Variants in QARS1 observed in about 807,000 individuals in gnomAD.
QARS1 encodes the protein glutaminyl-tRNA synthetase 1.
Under a neutral mutation model 106.9 loss-of-function variants are expected in QARS1, and 79 were observed. The observed-to-expected ratio is 0.74, with a 90% CI of 0.62 to 0.89. The LOEUF (loss-of-function observed/expected upper bound fraction) is 0.89. QARS1 is among the 40% of genes least tolerant of loss of function. The pLI, the probability that QARS1 is intolerant of heterozygous loss-of-function variation, is 0.00. For synonymous variants in QARS1, 395 were observed against 367.7 expected (o/e 1.07, Z -0.85); for missense variants, 966 against 997.2 (o/e 0.97, Z 0.42).
chr3:49,099,019 GTCATAC>G (rs1172908072), intron 18 of QARS1, 30 bp from the exon 19 acceptor site: 1 of 1,612,474 alleles, frequency 6.2e-7, no homozygotes, highest in South Asian at 1.1e-5. Context: ...ACAGGTATGA[GTCATAC>G]TCAGCATTAG....
In QARS1 at chr3:49,099,963, T is replaced by C. The variant is rs1575400775; in HGVS notation, c.1293A>G (p.Lys431=). The C allele has an allele frequency of 6.2e-7, 1 of 1,614,160 alleles. No homozygotes were observed. The highest frequency in any genetic ancestry group is 8.5e-7 in the Non-Finnish European group (1 of 1,180,004). The change falls in exon 14 of 24, where the codon AAA becomes AAG. Residue 431 remains lysine (K), a splice_region_variant and synonymous_variant. Transcript: ENST00000306125. ...ACCCCACCCCATTCTACACCCACCA[T>C]TTGTCCCCTGTGCGGTGGTGTGGTG... The part of the protein sequence containing the change: ...KYTPHHRTGD[K]WCIYPTYDYT...
chr3:49,096,682 C>T (rs2042395434), intron 23 of QARS1, among the ~76,000 whole-genome samples: 1 of 151,552 alleles, frequency 6.6e-6, no homozygotes, highest in Non-Finnish European at 1.5e-5. Context: ...CGCCTGTAGT[C>T]CCAGCTATTT....
rs1371242375 is a variant in QARS1, at chr3:49,101,604, C to T, written c.789+16G>A. 6.2e-7 allele frequency: 1 copy of T among 1,612,906 alleles called. No individual in the cohort carries two copies. Among genetic ancestry groups the T allele is most frequent in the Non-Finnish European group, 8.5e-7 (1 of 1,179,624 alleles). On this transcript the variant is annotated intron_variant, in intron 9 of 23. Transcript: ENST00000306125. ...TGTTTGATGGCACAAGCTCACATGGCCACATCCCCACACACCTGCCCACCA... is the reference window on the plus strand; with the variant it reads ...TGTTTGATGGCACAAGCTCACATGGTCACATCCCCACACACCTGCCCACCA...
In QARS1 at chr3:49,104,476, G is replaced by C; in HGVS notation, c.118-5C>G. 1.2e-6 allele frequency: 2 copies of C among 1,613,868 alleles called. No individual in the cohort carries two copies. Among genetic ancestry groups the C allele is most frequent in the East Asian group, 4.5e-5 (2 of 44,888 alleles). On this transcript the variant is annotated splice_region_variant and splice_polypyrimidine_tract_variant and intron_variant, in intron 1 of 23. Transcript: ENST00000306125. ...GGAACCCAGGGTCTGCTGAGCCTGA[G>C]GTCAGAGGGGTCAAGAGAGAAGCCC...
intron 10 of QARS1, among the ~76,000 whole-genome samples, 170 bp downstream of exon 10, chr3:49,101,185 C>T (rs933428673): frequency 6.6e-5 from 10 of 152,220 alleles, no homozygotes; most frequent in African/African-American, 1.9e-4. Context: ...CTATTTATTC[C>T]AATAAGCTCA....
chr3:49,101,749 G>A, intron 8 of QARS1, 44 bp from the exon 9 acceptor site: 1 of 1,612,534 alleles, frequency 6.2e-7, no homozygotes, highest in Non-Finnish European at 8.5e-7. Flanking sequence ...TGCAGCCAAA[G>A]CCTCTGACCC....
Position 49,103,853 on chromosome 3 carries a change from A to G in QARS1, c.375+10T>C. 1 of 1,613,134 alleles carries G rather than the reference A, an allele frequency of 6.2e-7. No individual in the cohort carries two copies. Among genetic ancestry groups the G allele is most frequent in the Non-Finnish European group, 8.5e-7 (1 of 1,179,206 alleles). On this transcript the variant is annotated intron_variant, in intron 3 of 23. Transcript: ENST00000306125. The stretch of plus-strand genomic sequence containing the variant: ...CTGGGGAGGCAGACGATGCCTGGGG[A>G]AAGACTCACAGCCTCCTCAATCTGC...
At chr3:49,098,812 C>CA in intron 19 of QARS1, 73 bp downstream of exon 19, 1 of 1,504,384 alleles carries the variant, frequency 6.6e-7, no homozygotes. Context: ...GATGGACTGA[C>CA]AGAGATGAGG....
Position 49,102,430 on chromosome 3 carries a change from T to C in QARS1, c.559A>G (p.Lys187Glu). 3.1e-6 allele frequency: 5 copies of C among 1,614,082 alleles called. No individual in the cohort carries two copies. The highest frequency in any genetic ancestry group is 4.2e-6 in the Non-Finnish European group (5 of 1,180,002). Reference protein sequence around the residue: ...LGPKLEADLEKKFKVAKARLE... With the variant: ...LGPKLEADLEEKFKVAKARLE... The stretch of plus-strand genomic sequence containing the variant: ...ATGCCCATCCCTACCTTGAACTTCT[T>C]CTCCAGATCAGCCTCCAACTTGGGG... The change falls in exon 6 of 24, where the codon AAG becomes GAG. Residue 187 changes from lysine (K) to glutamate (E), a missense_variant. Coordinates refer to ENST00000306125, the MANE Select transcript of QARS1 (RefSeq NM_005051.3).
At chr3:49,102,609 C>T (rs1004948638) in intron 5 of QARS1, 137 bp from the exon 6 acceptor site, 4 of 860,944 alleles carry the variant, frequency 4.6e-6, no homozygotes, top group East Asian at 2.7e-5. Context: ...CCCATCCCAT[C>T]TCTTCTCATG....
chr3:49,098,545 C>A lies in QARS1; in HGVS notation c.1956+55G>T, dbSNP rs1034813926. ...ACCACAACCAGGACTGCAGGCTATA[C>A]TCACATCTTGGCCCCAGCAGGCACT... On this transcript the variant is annotated intron_variant, in intron 20 of 23. Transcript: ENST00000306125. 4.3e-6 allele frequency: 7 copies of A among 1,611,256 alleles called. No individual in the cohort carries two copies. In the African/African-American group the frequency reaches 6.7e-5, roughly 15 times the overall value.
At position 49,098,414 on chromosome 3, in the gene QARS1, T is replaced by C; in HGVS notation, c.2023A>G (p.Lys675Glu). The change falls in exon 21 of 24, where the codon AAG (lysine) becomes GAG (glutamate). Residue 675 changes from lysine to glutamate, a missense_variant. By Grantham distance (56) the Lys-to-Glu change is moderately conservative. Coordinates refer to ENST00000306125, the MANE Select transcript of QARS1 (RefSeq NM_005051.3). Reference sequence around the variant, plus strand: ...TGTGACACCCAGTGAATAAAGGCCTTTGGCTTCTCTCCAGCATCTGCCCGT... The same window carrying C: ...TGTGACACCCAGTGAATAAAGGCCTCTGGCTTCTCTCCAGCATCTGCCCGT... ...CRRADAGEKP[K>E]AFIHWVSQPL... 6.2e-7 allele frequency: 1 copy of C among 1,614,192 alleles called. No individual in the cohort carries two copies. The highest frequency in any genetic ancestry group is 8.5e-7 in the Non-Finnish European group (1 of 1,180,040).
At chr3:49,097,964 A>G (rs961676476) in intron 23 of QARS1, 28 bp downstream of exon 23, 8 of 1,613,778 alleles carry the variant, frequency 5.0e-6, no homozygotes, top group Non-Finnish European at 6.8e-6. Context: ...ACTGCTGCAG[A>G]TGAGGGCAGG....
At position 49,095,976 on chromosome 3, in the gene QARS1, G is replaced by A; in HGVS notation, c.*53C>T. ...TCTTTATTGACATGGAATTTGGGGT[G>A]GCGAGGGTAGCCACACCCTCCAGGA... is the stretch of plus-strand genomic sequence containing the variant. On this transcript the variant is annotated 3_prime_UTR_variant, in exon 24 of 24. Coordinates refer to ENST00000306125, the MANE Select transcript of QARS1 (RefSeq NM_005051.3). 1.3e-6 allele frequency: 2 copies of A among 1,532,602 alleles called. No homozygotes were observed. Among genetic ancestry groups the A allele is most frequent in the Non-Finnish European group, 1.8e-6 (2 of 1,110,690 alleles). 94.9% of individuals were successfully genotyped at this position (1,532,602 alleles called of 1,614,324 possible).
intron 13 of QARS1, 25 bp from the exon 14 acceptor site, chr3:49,100,116 G>A (rs1261366853): frequency 3.7e-6 from 6 of 1,614,122 alleles, no homozygotes; most frequent in African/African-American, 2.7e-5. Context: ...GACTCAGGCT[G>A]TCTCTAAGCA....
Position 49,098,911 on chromosome 3 carries a change from A to G in QARS1, c.1837T>C (p.Phe613Leu). Residue 613 changes from phenylalanine to leucine, a missense_variant, in exon 19 of 24, where the codon TTC (phenylalanine) becomes CTC (leucine). Physicochemically the swap from Phe to Leu is conservative, Grantham distance 22. Transcript: ENST00000306125. The part of the protein sequence containing the change: ...FHQVPFAPIV[F>L]IERTDFKEEP... ...TCCTTGAAGTCAGTCCTCTCAATGAAGACAATGGGTGCAAAGGGAACCTGA... is the reference window on the plus strand; with the variant it reads ...TCCTTGAAGTCAGTCCTCTCAATGAGGACAATGGGTGCAAAGGGAACCTGA... The G allele has an allele frequency of 6.2e-7, 1 of 1,613,930 alleles. No individual in the cohort carries two copies. Among genetic ancestry groups the G allele is most frequent in the South Asian group, 1.1e-5 (1 of 91,076 alleles).
rs2042496597 is a variant in QARS1 at position 49,103,422 on chromosome 3, G to A, written c.452-13C>T. The A allele has an allele frequency of 6.2e-7, 1 of 1,613,860 alleles. No individual in the cohort carries two copies. The highest frequency in any genetic ancestry group is 1.7e-5 in the Admixed American group (1 of 59,980). On this transcript the variant is annotated splice_polypyrimidine_tract_variant and intron_variant, in intron 4 of 23. Transcript: ENST00000306125. Reference sequence around the variant, plus strand: ...GCCCGAGCCTCTCCTAGAAGCATAGGCACAAGGAGCTGCAGAAAGGCAAAA... The same window carrying A: ...GCCCGAGCCTCTCCTAGAAGCATAGACACAAGGAGCTGCAGAAAGGCAAAA...
chr3:49,102,623 G>C (rs2042486093), intron 5 of QARS1, 151 bp from the exon 6 acceptor site: 4 of 766,764 alleles, frequency 5.2e-6, no homozygotes, highest in Non-Finnish European at 8.9e-6. Flanking sequence ...TCTCATGTGG[G>C]TCTGCTAGCT....
rs772362130 is a variant in QARS1 at position 49,099,983 on chromosome 3, G to A, written c.1273C>T (p.His425Tyr). Reference sequence around the variant, plus strand: ...CACCATTTGTCCCCTGTGCGGTGGTGTGGTGTATACTTGACTCGATAGGCT... The same window carrying A: ...CACCATTTGTCCCCTGTGCGGTGGTATGGTGTATACTTGACTCGATAGGCT... ...PVAYRVKYTPHHRTGDKWCIY... is the reference protein window; with the variant it reads ...PVAYRVKYTPYHRTGDKWCIY... Residue 425 changes from histidine (H) to tyrosine (Y), a missense_variant, in exon 14 of 24, where the codon CAC (histidine) becomes TAC (tyrosine). By Grantham distance (83) the His-to-Tyr change is moderately conservative. Coordinates refer to ENST00000306125, the MANE Select transcript of QARS1 (RefSeq NM_005051.3). 1 of 1,614,178 alleles carries A rather than the reference G, an allele frequency of 6.2e-7. No homozygotes were observed.
Sources: allele counts gnomAD v4.1 joint callset (sites outside exome capture counted in the v4.1 genomes callset), GRCh38; gene constraint gnomAD v4.1.1; transcripts MANE v1.5; gene names NCBI Gene and HGNC (gene_info 2026-07-23, HGNC 2026-07-21).